MMP16: variants seen among roughly 807,000 people sequenced by gnomAD.
MMP16 encodes the protein matrix metalloproteinase-16.
A neutral mutation model predicts 67.8 loss-of-function variants in MMP16; 12 were observed. That is an observed-to-expected ratio of 0.18 (90% confidence interval 0.11 to 0.29). The LOEUF (loss-of-function observed/expected upper bound fraction) is 0.29. Ranked by LOEUF, MMP16 falls within the 10% of genes least tolerant of loss-of-function variation. The pLI, the probability that MMP16 is intolerant of heterozygous loss-of-function variation, is 1.00. For missense variants in MMP16, 475 were observed against 765.7 expected, an observed-to-expected ratio of 0.62 and a Z score of 4.48; for synonymous variants, 249 against 255.9, an observed-to-expected ratio of 0.97 and a Z score of 0.26.
chr8:88,285,326 G>A (rs907574663), intron 1 of MMP16, among the ~76,000 whole-genome samples: 5 of 151,958 alleles, frequency 3.3e-5, no homozygotes, highest in African/African-American at 7.3e-5. Flanking sequence ...TTTTAGTAGC[G>A]ATGGGGTTTC....
intron 4 of MMP16, among the ~76,000 whole-genome samples, chr8:88,146,346 C>T (rs1208413848): frequency 6.6e-6 from 1 of 151,830 alleles, no homozygotes. Context: ...AGAATATTGC[C>T]GACTCCTTTA....
At chr8:88,100,050 C>G (rs1809113322) in intron 6 of MMP16, among the ~76,000 whole-genome samples, 1 of 151,898 alleles carries the variant, frequency 6.6e-6, no homozygotes, top group South Asian at 2.1e-4. Flanking sequence ...CCTGTTCACT[C>G]TGATGGTAGT....
intron 4 of MMP16, among the ~76,000 whole-genome samples, chr8:88,139,476 G>A (rs1351938095): frequency 6.6e-6 from 1 of 151,794 alleles, no homozygotes. Flanking sequence ...AAAACATTTG[G>A]AAAGAAAAAA....
intron 6 of MMP16, among the ~76,000 whole-genome samples, chr8:88,083,121 T>C (rs1046767392): frequency 3.3e-5 from 5 of 151,960 alleles, no homozygotes; most frequent in African/African-American, 1.2e-4. Context: ...AGTTTCAGAG[T>C]AAAAAAAGAG....
chr8:88,286,876 C>G lies in MMP16; in HGVS notation c.132+40199G>C, dbSNP rs13263108. On this transcript the variant is annotated intron_variant, in intron 1 of 9. Coordinates refer to ENST00000286614, the MANE Select transcript of MMP16 (RefSeq NM_005941.5). Reference sequence around the variant, plus strand: ...ATGAGCCACCACGCCCGGCCTGGAACTCTTTGATCAACAGCGCTAAAGATT... The same window carrying G: ...ATGAGCCACCACGCCCGGCCTGGAAGTCTTTGATCAACAGCGCTAAAGATT... Among the ~76,000 whole-genome samples, 471 of 152,128 alleles carry G rather than the reference C, an allele frequency of 3.1e-3. 1 individual carries two copies. The highest frequency in any genetic ancestry group is 3.6e-3 in the Non-Finnish European group (245 of 67,966).
At chr8:88,125,258 C>T (rs1807908397) in intron 4 of MMP16, among the ~76,000 whole-genome samples, 1 of 148,194 alleles carries the variant, frequency 6.7e-6, no homozygotes, top group African/African-American at 2.5e-5. Context: ...AAGTATAGTA[C>T]ACAGAACTTC....
chr8:88,232,471 A>G (rs1809877147), intron 1 of MMP16, among the ~76,000 whole-genome samples: 1 of 152,180 alleles, frequency 6.6e-6, no homozygotes, highest in African/African-American at 2.4e-5. Context: ...ACTATATATA[A>G]GATCATTTCT....
intron 1 of MMP16, among the ~76,000 whole-genome samples, chr8:88,221,826 A>C (rs1040498347): frequency 6.6e-6 from 1 of 152,072 alleles, no homozygotes; most frequent in Non-Finnish European, 1.5e-5. Flanking sequence ...TACTTTTGAC[A>C]TTCTCACCCT....
At chr8:88,072,381 C>G (rs1808573835) in intron 7 of MMP16, among the ~76,000 whole-genome samples, 1 of 151,946 alleles carries the variant, frequency 6.6e-6, no homozygotes, top group Non-Finnish European at 1.5e-5. Context: ...GACTCTTTCT[C>G]CATAATCAAT....
intron 6 of MMP16, among the ~76,000 whole-genome samples, chr8:88,086,000 CAAT>C (rs961813633): frequency 1.1e-4 from 16 of 151,342 alleles, no homozygotes; most frequent in Admixed American, 3.9e-4. Flanking sequence ...TTCATGAAGA[CAAT>C]AATATATTAA....
chr8:88,095,032 G>C (rs1211317122), intron 6 of MMP16, among the ~76,000 whole-genome samples: 1 of 151,680 alleles, frequency 6.6e-6, no homozygotes, highest in African/African-American at 2.4e-5. Flanking sequence ...TTCAGGGTGG[G>C]CCACATGGTT....
intron 4 of MMP16, among the ~76,000 whole-genome samples, chr8:88,163,107 T>C (rs574816711): frequency 6.6e-6 from 1 of 152,092 alleles, no homozygotes; most frequent in African/African-American, 2.4e-5. Context: ...TGTGCAGACG[T>C]AAACCTGCTG....
rs150867270 is a variant in MMP16, at chr8:88,157,241, C to T, written c.709+10428G>A. Among the ~76,000 whole-genome samples the T allele has an allele frequency of 7.6e-4, 116 of 152,176 alleles. 1 individual carries two copies. Among genetic ancestry groups the T allele is most frequent in the African/African-American group, 2.3e-3 (96 of 41,542 alleles). On this transcript the variant is annotated intron_variant, in intron 4 of 9. Transcript: ENST00000286614. The stretch of plus-strand genomic sequence containing the variant: ...ATATGTACAGACTCTTTAACTCTTG[C>T]CCTTATTCTCTAAAAAATTACAGTA...
chr8:88,104,662 C>T (rs939772088), intron 6 of MMP16, among the ~76,000 whole-genome samples: 8 of 151,566 alleles, frequency 5.3e-5, no homozygotes, highest in South Asian at 2.1e-4. Context: ...CCATATTACA[C>T]GTTTTATCAT....
intron 1 of MMP16, among the ~76,000 whole-genome samples, chr8:88,224,026 G>T (rs1809729158): frequency 6.6e-6 from 1 of 151,944 alleles, no homozygotes; most frequent in Non-Finnish European, 1.5e-5. Context: ...AAAGTTTATT[G>T]AGTGATAATG....
intron 6 of MMP16, among the ~76,000 whole-genome samples, chr8:88,115,051 C>T (rs1809405356): frequency 6.6e-6 from 1 of 152,046 alleles, no homozygotes; most frequent in African/African-American, 2.4e-5. Context: ...AAATCAGCAA[C>T]CTACTTAGAT....
chr8:88,195,232 T>C (rs1377759460), intron 2 of MMP16, among the ~76,000 whole-genome samples: 1 of 152,174 alleles, frequency 6.6e-6, no homozygotes, highest in Non-Finnish European at 1.5e-5. Context: ...GTCCTTCCAA[T>C]GACCAACAGG....
chr8:88,212,917 T>C (rs1809533826), intron 1 of MMP16, among the ~76,000 whole-genome samples: 1 of 152,156 alleles, frequency 6.6e-6, no homozygotes, highest in Admixed American at 6.6e-5. Context: ...AATAGTTACC[T>C]CCTGGGGAAT....
intron 7 of MMP16, among the ~76,000 whole-genome samples, chr8:88,073,656 T>G (rs999047833): frequency 6.6e-6 from 1 of 152,150 alleles, no homozygotes; most frequent in African/African-American, 2.4e-5. Flanking sequence ...ACTTTAAATA[T>G]TACAAGTGTT....
Sources: gnomAD v4.1 joint callset for allele counts (sites outside exome capture counted in the v4.1 genomes callset) on GRCh38, gnomAD v4.1.1 for gene constraint, MANE v1.5 for transcripts, NCBI Gene and HGNC (gene_info 2026-07-23, HGNC 2026-07-21) for gene names.